Variants in PTAR1 observed in about 807,000 individuals in gnomAD.
PTAR1 encodes the protein protein prenyltransferase alpha subunit repeat containing 1.
A neutral mutation model predicts 45.5 loss-of-function variants in PTAR1; 17 were observed. The observed-to-expected ratio is 0.37, with a 90% CI of 0.26 to 0.56. PTAR1 has a LOEUF of 0.56. PTAR1 is among the 20% of genes least tolerant of loss of function. The pLI, the probability that PTAR1 is intolerant of heterozygous loss-of-function variation, is 0.77. For missense variants in PTAR1, 391 were observed against 476.3 expected (o/e 0.82, Z 1.67); for synonymous variants, 169 against 171.3 (o/e 0.99, Z 0.11).
chr9:69,746,201 A>G (rs1211394940), intron 2 of PTAR1, among the ~76,000 whole-genome samples: 1 of 152,232 alleles, frequency 6.6e-6, no homozygotes, highest in African/African-American at 2.4e-5. Flanking sequence ...GGACTAGGAG[A>G]AGAAACTAGA....
At chr9:69,747,263 T>A (rs1387723629) in intron 2 of PTAR1, among the ~76,000 whole-genome samples, 2 of 152,112 alleles carry the variant, frequency 1.3e-5, no homozygotes, top group Non-Finnish European at 2.9e-5. Flanking sequence ...GCCATCTGAG[T>A]AAAGGGCTTC....
chr9:69,718,085 T>A lies in PTAR1; in HGVS notation c.*257A>T, dbSNP rs778778459. On this transcript the variant is annotated 3_prime_UTR_variant, in exon 8 of 8. Transcript: ENST00000340434. ...AAATGAGAAGCCCCACATATAGAAA[T>A]ACAAAGGGTGAGAAGTTAAACAGAA... 16 of 355,692 alleles carry A rather than the reference T, an allele frequency of 4.5e-5. No homozygotes were observed. The highest frequency in any genetic ancestry group is 8.6e-5 in the Admixed American group (2 of 23,380). The allele number at this position is 355,692 out of a possible 1,614,324, so 22.0% of individuals were successfully genotyped here. A position where few individuals can be genotyped will look rare whatever the true frequency, so the allele number is the denominator to read the frequency against.
intron 1 of PTAR1, among the ~76,000 whole-genome samples, chr9:69,754,726 T>A (rs549282464): frequency 3.8e-4 from 45 of 119,200 alleles, no homozygotes; most frequent in South Asian, 8.5e-4. Context: ...ATATATATTT[T>A]TTTTTTTTGG....
Position 69,714,272 on chromosome 9 carries a change from G to C in PTAR1, c.*4070C>G, listed in dbSNP as rs1564120482. 1 of 151,792 alleles carries C rather than the reference G, an allele frequency of 6.6e-6. No homozygotes were observed. Among genetic ancestry groups the C allele is most frequent in the Non-Finnish European group, 1.5e-5 (1 of 67,938 alleles). 9.4% of individuals were successfully genotyped at this position (151,792 alleles called of 1,614,324 possible). On this transcript the variant is annotated 3_prime_UTR_variant, in exon 8 of 8. Coordinates refer to ENST00000340434, the MANE Select transcript of PTAR1 (RefSeq NM_001099666.2). ...ATTTTCTAGCATACTTTAAATATCT[G>C]TAAGTTTTAAAATATAATTTTCCAG...
intron 2 of PTAR1, among the ~76,000 whole-genome samples, chr9:69,746,238 A>G (rs1236659246): frequency 6.6e-6 from 1 of 152,232 alleles, no homozygotes; most frequent in Non-Finnish European, 1.5e-5. Flanking sequence ...TAATTAAAGA[A>G]TCTGATCCTC....
At chr9:69,742,792 A>G (rs757962680) in intron 2 of PTAR1, among the ~76,000 whole-genome samples, 1 of 152,126 alleles carries the variant, frequency 6.6e-6, no homozygotes, top group Non-Finnish European at 1.5e-5. Flanking sequence ...TTTAATTTAC[A>G]TTTGTTAATA....
At chr9:69,727,026 T>TAC (rs71356128) in intron 5 of PTAR1, among the ~76,000 whole-genome samples, 8,164 of 147,040 alleles carry the variant, frequency 0.056, 342 homozygotes, top group African/African-American at 0.12. Context: ...ATTGTGTATA[T>TAC]ACACACACAC....
chr9:69,749,999 G>C (rs1194625430), intron 2 of PTAR1, among the ~76,000 whole-genome samples: 1 of 152,050 alleles, frequency 6.6e-6, no homozygotes, highest in East Asian at 1.9e-4. Context: ...CCGTACATGG[G>C]AAGGGGAAGA....
intron 5 of PTAR1, among the ~76,000 whole-genome samples, chr9:69,731,753 C>G (rs954032186): frequency 2.1e-5 from 3 of 144,340 alleles, no homozygotes; most frequent in Non-Finnish European, 4.7e-5. Flanking sequence ...TTTCAGAGGA[C>G]GAGAGTGTGA....
chr9:69,723,625 A>G lies in PTAR1; in HGVS notation c.648T>C (p.Leu216=). The change falls in exon 6 of 8, where the codon CTT becomes CTC. Residue 216 remains leucine (L), a synonymous_variant. Coordinates refer to ENST00000340434, the MANE Select transcript of PTAR1 (RefSeq NM_001099666.2). ...GTTTAGTAGAAGATAGTTCATCAAG[A>G]AGAATCTTTTAAGAAGAAAAAAGGG... The part of the protein sequence containing the change: ...QHLAKLDVKI[L]LDELSSTKHW... 1 of 1,599,032 alleles carries G rather than the reference A, an allele frequency of 6.3e-7. No homozygotes were observed. The highest frequency in any genetic ancestry group is 8.5e-7 in the Non-Finnish European group (1 of 1,171,412).
At chr9:69,737,511 G>A (rs1430211382) in intron 3 of PTAR1, among the ~76,000 whole-genome samples, 2 of 152,158 alleles carry the variant, frequency 1.3e-5, no homozygotes, top group African/African-American at 2.4e-5. Flanking sequence ...TACTATGATG[G>A]GCTCTGGAAA....
intron 5 of PTAR1, among the ~76,000 whole-genome samples, chr9:69,726,791 T>C (rs558187287): frequency 8.5e-5 from 13 of 152,202 alleles, no homozygotes; most frequent in Admixed American, 2.6e-4. Context: ...TCTAATTTAC[T>C]ATTTGTGATA....
intron 3 of PTAR1, among the ~76,000 whole-genome samples, chr9:69,735,580 T>A (rs1825751449): frequency 6.6e-6 from 1 of 152,222 alleles, no homozygotes; most frequent in African/African-American, 2.4e-5. Context: ...TTTCTATACC[T>A]GTTTCTCAGG....
intron 2 of PTAR1, among the ~76,000 whole-genome samples, chr9:69,748,785 G>T (rs1826389971): frequency 6.6e-6 from 1 of 151,926 alleles, no homozygotes; most frequent in South Asian, 2.1e-4. Context: ...AATTGCTTCA[G>T]TTCTTAGGTT....
chr9:69,737,240 T>C (rs540226277), intron 3 of PTAR1, among the ~76,000 whole-genome samples: 3 of 152,100 alleles, frequency 2.0e-5, no homozygotes, highest in Admixed American at 2.0e-4. Flanking sequence ...CAACCACGTC[T>C]AGCTAATTTT....
Position 69,713,446 on chromosome 9 carries a change from T to C in PTAR1, c.*4896A>G, listed in dbSNP as rs1824602036. ...AAATTATATTTGCTATCTTGAAATA[T>C]GGAATTCCTATCCCTCCCTTCTCCA... On this transcript the variant is annotated 3_prime_UTR_variant, in exon 8 of 8. Coordinates refer to ENST00000340434, the MANE Select transcript of PTAR1 (RefSeq NM_001099666.2). 6.6e-6 allele frequency: 1 copy of C among 152,176 alleles called. No homozygotes were observed. Among genetic ancestry groups the C allele is most frequent in the Non-Finnish European group, 1.5e-5 (1 of 68,016 alleles). 9.4% of individuals were successfully genotyped at this position (152,176 alleles called of 1,614,324 possible).
intron 1 of PTAR1, among the ~76,000 whole-genome samples, chr9:69,756,029 C>T (rs142552628): frequency 1.3e-5 from 2 of 152,298 alleles, no homozygotes; most frequent in Non-Finnish European, 2.9e-5. Flanking sequence ...TCCAGTTTGA[C>T]AGCTTAGACT....
At chr9:69,729,299 G>A (rs1433185555) in intron 5 of PTAR1, among the ~76,000 whole-genome samples, 1 of 152,150 alleles carries the variant, frequency 6.6e-6, no homozygotes, top group East Asian at 1.9e-4. Context: ...CAGCCTGGGC[G>A]ACAGAGCAAA....
intron 1 of PTAR1, among the ~76,000 whole-genome samples, chr9:69,753,080 CTG>C (rs1305987386): frequency 6.6e-6 from 1 of 151,968 alleles, no homozygotes; most frequent in African/African-American, 2.4e-5. Flanking sequence ...AACAATATAA[CTG>C]TTATAGTAAC....
Sources: gnomAD v4.1 joint callset for allele counts (sites outside exome capture counted in the v4.1 genomes callset) on GRCh38, gnomAD v4.1.1 for gene constraint, MANE v1.5 for transcripts, NCBI Gene and HGNC (gene_info 2026-07-23, HGNC 2026-07-21) for gene names.